The following KLHL5 variants were observed in gnomAD, a reference collection of about 807,000 sequenced individuals.
KLHL5 encodes kelch like family member 5.
A neutral mutation model predicts 77.7 loss-of-function variants in KLHL5; 48 were observed. That is an observed-to-expected ratio of 0.62 (90% confidence interval 0.49 to 0.79). The LOEUF (loss-of-function observed/expected upper bound fraction) is 0.79, where lower values mean the gene tolerates loss of function less well. Ranked by LOEUF, KLHL5 falls within the 30% of genes least tolerant of loss-of-function variation. The pLI, the probability that KLHL5 is intolerant of heterozygous loss-of-function variation, is 0.00. For synonymous variants in KLHL5, 260 were observed against 297.0 expected (o/e 0.88, Z 1.28); for missense variants, 723 against 859.7 (o/e 0.84, Z 1.99).
intron 5 of KLHL5, chr4:39,093,412 T>C (rs1720769648): frequency 6.6e-6 from 3 of 455,874 alleles, no homozygotes; most frequent in South Asian, 4.6e-5. Context: ...CAAAACTGTT[T>C]TATGGTAATG....
rs968831822 is a variant in KLHL5, at chr4:39,123,290, A to C, written c.*2224A>C. 6.6e-6 allele frequency among the ~76,000 whole-genome samples: 1 copy of C among 152,224 alleles called. No individual in the cohort carries two copies. The highest frequency in any genetic ancestry group is 1.5e-5 in the Non-Finnish European group (1 of 68,032). Reference sequence around the variant, plus strand: ...ACTGGCAAACTATGCCAAACATATAAAGAAGAATTAACACTAATCCTTCTC... The same window carrying C: ...ACTGGCAAACTATGCCAAACATATACAGAAGAATTAACACTAATCCTTCTC... On this transcript the variant is annotated 3_prime_UTR_variant, in exon 11 of 11. Coordinates refer to ENST00000504108, the MANE Select transcript of KLHL5 (RefSeq NM_015990.5).
chr4:39,094,155 TATG>T (rs1355118884), intron 5 of KLHL5, among the ~76,000 whole-genome samples: 6 of 152,116 alleles, frequency 3.9e-5, no homozygotes, highest in Admixed American at 3.9e-4. Flanking sequence ...TGGTGACAGT[TATG>T]ATTATTTGCA....
At chr4:39,107,465 C>A (rs1176693010) in intron 7 of KLHL5, 104 bp from the exon 8 acceptor site, 1 of 580,444 alleles carries the variant, frequency 1.7e-6, no homozygotes, top group Non-Finnish European at 2.5e-6. Flanking sequence ...TTACTCAGTT[C>A]TATTTGTATG....
intron 6 of KLHL5, among the ~76,000 whole-genome samples, chr4:39,101,859 A>ATATATATAT (rs71304785): frequency 5.7e-5 from 6 of 104,770 alleles, no homozygotes; most frequent in East Asian, 6.0e-4. Flanking sequence ...AAAAAAAAAA[A>ATATATATAT]ATATATATAT....
In KLHL5 at chr4:39,086,637, T is replaced by C; in HGVS notation, c.1023T>C (p.Leu341=). The C allele has an allele frequency of 1.2e-6, 2 of 1,614,012 alleles. No individual in the cohort carries two copies. Residue 341 remains leucine (L), a synonymous_variant, in exon 5 of 11, where the codon CTT becomes CTC. Transcript: ENST00000504108. ...ATGAGGAGACAATATTGAATGCACT[T>C]CTTACTTGGGTCCGTCATGATTTGG... is the stretch of plus-strand genomic sequence containing the variant. ...IPNEETILNA[L]LTWVRHDLEQ...
At chr4:39,141,447 T>A in the KLHL5 span, among the ~76,000 whole-genome samples, 2 of 151,630 alleles carry the variant, frequency 1.3e-5, no homozygotes, top group South Asian at 2.1e-4. Context: ...TAGCTGGGAC[T>A]ACAGGCGCCC....
chr4:39,134,072 T>C, the KLHL5 span: 1 of 151,768 alleles, frequency 6.6e-6, no homozygotes, highest in Non-Finnish European at 1.5e-5. Context: ...CTTCCAATGA[T>C]AAGAAAGTAA....
In KLHL5 at chr4:39,081,394, T is replaced by G. The variant is rs902208904; in HGVS notation, c.703+155T>G. On this transcript the variant is annotated intron_variant, in intron 3 of 10. Transcript: ENST00000504108. The surrounding 1 kb of genome is among the most constrained non-coding windows in gnomAD (Gnocchi z 4.3). The stretch of plus-strand genomic sequence containing the variant: ...ATTTAACCTGGTGATGAATTAAAAT[T>G]TCCATACTAAAACCTTTAAAATGGT... 2.0e-5 allele frequency among the ~76,000 whole-genome samples: 3 copies of G among 152,214 alleles called. No homozygotes were observed. Among genetic ancestry groups the G allele is most frequent in the South Asian group, 2.1e-4 (1 of 4,834 alleles).
chr4:39,132,109 A>G, the KLHL5 span, among the ~76,000 whole-genome samples: 1 of 152,020 alleles, frequency 6.6e-6, no homozygotes, highest in Non-Finnish European at 1.5e-5. Context: ...TCTAAGTACT[A>G]CAGCTTCGAA....
chr4:39,090,007 AT>A (rs1205709399), intron 5 of KLHL5, among the ~76,000 whole-genome samples: 2 of 151,936 alleles, frequency 1.3e-5, no homozygotes, highest in East Asian at 3.8e-4. Context: ...GTCAGGGTTG[AT>A]TTTTTTTCAT....
At position 39,122,786 on chromosome 4, in the gene KLHL5, C is replaced by G. The variant is rs756318718; in HGVS notation, c.*1720C>G. ...CAAGATCGCACCACTGCACTCCAGC[C>G]TGGGTGACAGAGCGAGACTCCATCA... On this transcript the variant is annotated 3_prime_UTR_variant, in exon 11 of 11. Coordinates refer to ENST00000504108, the MANE Select transcript of KLHL5 (RefSeq NM_015990.5). 4.6e-5 allele frequency among the ~76,000 whole-genome samples: 7 copies of G among 151,762 alleles called. No individual in the cohort carries two copies. Among genetic ancestry groups the G allele is most frequent in the Non-Finnish European group, 8.8e-5 (6 of 68,002 alleles).
chr4:39,127,620 A>AT (rs930219178), downstream of KLHL5, among the ~76,000 whole-genome samples: 24 of 149,758 alleles, frequency 1.6e-4, 1 homozygote, highest in South Asian at 6.4e-4. Context: ...TGTTTGGCTA[A>AT]TTTTTTTTTT....
At chr4:39,053,590 TC>T (rs1337324397) in intron 1 of KLHL5, among the ~76,000 whole-genome samples, 1 of 152,166 alleles carries the variant, frequency 6.6e-6, no homozygotes, top group Non-Finnish European at 1.5e-5. Flanking sequence ...ACAGTTTTCT[TC>T]CTTGTGCACA....
rs1723517871 is a variant in KLHL5, at chr4:39,125,981, G to T, written c.*4915G>T. Reference sequence around the variant, plus strand: ...TTTTCACTGTAATTTGCAAATAAATGAATTTCTAAAAATCTAACAGAAAGG... The same window carrying T: ...TTTTCACTGTAATTTGCAAATAAATTAATTTCTAAAAATCTAACAGAAAGG... On this transcript the variant is annotated 3_prime_UTR_variant, in exon 11 of 11. Transcript: ENST00000504108. 6.6e-6 allele frequency among the ~76,000 whole-genome samples: 1 copy of T among 152,110 alleles called. No homozygotes were observed. Among genetic ancestry groups the T allele is most frequent in the South Asian group, 2.1e-4 (1 of 4,830 alleles).
At chr4:39,090,985 AT>A (rs61479288) in intron 5 of KLHL5, among the ~76,000 whole-genome samples, 91,483 of 127,346 alleles carry the variant, frequency 0.72, 32,615 homozygotes, top group East Asian at 0.81. Flanking sequence ...TCAGTTTTTA[AT>A]TTTTTTTTTT....
intron 1 of KLHL5, among the ~76,000 whole-genome samples, chr4:39,071,227 T>C (rs1243444944): frequency 6.6e-6 from 1 of 152,146 alleles, no homozygotes; most frequent in Non-Finnish European, 1.5e-5. Context: ...TTGTAGAAGA[T>C]GACAAAAGAT....
At chr4:39,069,427 ATT>A (rs754463844) in intron 1 of KLHL5, among the ~76,000 whole-genome samples, 24,867 of 73,228 alleles carry the variant, frequency 0.34, 2,988 homozygotes, top group East Asian at 0.5. Flanking sequence ...CCCTATTAAC[ATT>A]TTATATATAT....
chr4:39,081,069 G>T lies in KLHL5; in HGVS notation c.567-34G>T. 1 of 1,572,856 alleles carries T rather than the reference G, an allele frequency of 6.4e-7. No individual in the cohort carries two copies. The highest frequency in any genetic ancestry group is 8.6e-7 in the Non-Finnish European group (1 of 1,163,498). On this transcript the variant is annotated intron_variant, in intron 2 of 10. Transcript: ENST00000504108. This position sits in a 1 kb window ranked among gnomAD's most constrained non-coding sequence, Gnocchi z 4.3. ...ATTAATGAACATCAACTCGAATGTG[G>T]TCATTGATTTTTTTTTTCCTAATGT...
intron 1 of KLHL5, among the ~76,000 whole-genome samples, chr4:39,047,538 C>A (rs1262523337): frequency 6.6e-6 from 1 of 152,166 alleles, no homozygotes; most frequent in Non-Finnish European, 1.5e-5. Context: ...TGTTAAGGAC[C>A]AAAGTGAAGA....
Sources: allele counts gnomAD v4.1 joint callset (sites outside exome capture counted in the v4.1 genomes callset), GRCh38; gene constraint gnomAD v4.1.1; non-coding constraint Gnocchi (gnomAD v3.1); transcripts MANE v1.5; gene names NCBI Gene and HGNC (gene_info 2026-07-23, HGNC 2026-07-21).